Variants in ESR1 observed in about 807,000 individuals in gnomAD.
ESR1 encodes estrogen receptor.
A neutral mutation model predicts 52.7 loss-of-function variants in ESR1; 12 were observed. The ratio of observed to expected loss-of-function variants is 0.23; its 90% CI spans 0.15 to 0.37. ESR1 has a LOEUF of 0.37. Among genes scored for constraint, ESR1 ranks in the 10% least tolerant of loss-of-function variants. ESR1 has a pLI of 1.00. For synonymous variants in ESR1, 305 were observed against 316.8 expected, an observed-to-expected ratio of 0.96 and a Z score of 0.39; for missense variants, 584 against 779.7, an observed-to-expected ratio of 0.75 and a Z score of 2.99.
intron 2 of ESR1, among the ~76,000 whole-genome samples, chr6:151,849,992 A>ATATAATTTTGTATATATATACAAAAT (rs1554268078): frequency 6.4e-4 from 66 of 103,124 alleles, no homozygotes; most frequent in Non-Finnish European, 9.3e-4. Context: ...ATATATATAT[A>ATATAATTTTGTATATATATACAAAAT]TATATATATA....
chr6:151,723,763 G>A (rs145237881), intron 2 of ESR1, among the ~76,000 whole-genome samples: 42 of 152,074 alleles, frequency 2.8e-4, no homozygotes, highest in African/African-American at 8.2e-4. Context: ...TTAGCTACTC[G>A]GGAGGCTGAG....
At chr6:152,018,370 T>G (rs1399575578) in intron 5 of ESR1, among the ~76,000 whole-genome samples, 1 of 151,838 alleles carries the variant, frequency 6.6e-6, no homozygotes, top group Non-Finnish European at 1.5e-5. Context: ...GCTATCTTTT[T>G]CCCCATGTAA....
chr6:151,844,395 T>C (rs1376965307), intron 2 of ESR1, among the ~76,000 whole-genome samples: 2 of 152,154 alleles, frequency 1.3e-5, no homozygotes, highest in Non-Finnish European at 2.9e-5. Flanking sequence ...AGAGGTATGG[T>C]TAGTAGATAG....
At chr6:151,979,778 T>C (rs913841150) in intron 4 of ESR1, among the ~76,000 whole-genome samples, 2 of 152,198 alleles carry the variant, frequency 1.3e-5, no homozygotes, top group Non-Finnish European at 2.9e-5. Flanking sequence ...CTCTTTTTCT[T>C]AGATAATGGA....
intron 2 of ESR1, among the ~76,000 whole-genome samples, chr6:151,859,518 A>T (rs1016070913): frequency 6.6e-6 from 1 of 152,046 alleles, no homozygotes; most frequent in Non-Finnish European, 1.5e-5. Context: ...GTGCAACCAG[A>T]CCTTAGTGAT....
intron 5 of ESR1, among the ~76,000 whole-genome samples, chr6:152,059,074 A>G (rs2047336329): frequency 6.6e-6 from 1 of 152,186 alleles, no homozygotes; most frequent in Non-Finnish European, 1.5e-5. Flanking sequence ...TCTTTTTCTC[A>G]TACCTTACGC....
At chr6:152,095,385 G>A (rs9341051) in intron 7 of ESR1, among the ~76,000 whole-genome samples, 4 of 152,120 alleles carry the variant, frequency 2.6e-5, no homozygotes, top group African/African-American at 9.7e-5. Flanking sequence ...GCAGATTGGC[G>A]GTCAGCCCTC....
chr6:151,719,576 G>A (rs908138860), intron 2 of ESR1, among the ~76,000 whole-genome samples: 1 of 152,214 alleles, frequency 6.6e-6, no homozygotes, highest in East Asian at 1.9e-4. Context: ...GACTCAGGAG[G>A]TGCTGGGGCA....
At chr6:151,910,132 A>G (rs1378888381) in intron 3 of ESR1, among the ~76,000 whole-genome samples, 1 of 151,664 alleles carries the variant, frequency 6.6e-6, no homozygotes, top group African/African-American at 2.4e-5. Flanking sequence ...AATTGTCTGA[A>G]ATGATGGAAG....
In ESR1 at chr6:151,839,296, C is replaced by T. The variant is rs556234164; in HGVS notation, c.453-3301C>T. 4.6e-5 allele frequency among the ~76,000 whole-genome samples: 7 copies of T among 152,206 alleles called. No individual in the cohort carries two copies. The South Asian group carries it at 1.5e-3, about 32-fold the overall frequency. On this transcript the variant is annotated intron_variant, in intron 1 of 7. Transcript: ENST00000206249. ...GCAAAAGACATAAAAATGCAGTATTCCCCTCGCACTCATTAGGATGGCTAC... is the reference window on the plus strand; with the variant it reads ...GCAAAAGACATAAAAATGCAGTATTTCCCTCGCACTCATTAGGATGGCTAC...
intron 2 of ESR1, among the ~76,000 whole-genome samples, chr6:151,724,189 G>C (rs1299641907): frequency 6.6e-6 from 1 of 152,098 alleles, no homozygotes; most frequent in Non-Finnish European, 1.5e-5. Flanking sequence ...CAGAATTGGT[G>C]TAAAGTCTTT....
chr6:152,056,746 C>T (rs957127853), intron 5 of ESR1, among the ~76,000 whole-genome samples: 8 of 152,194 alleles, frequency 5.3e-5, no homozygotes, highest in Non-Finnish European at 7.4e-5. Context: ...ACCAGACTGA[C>T]ATAATCCATG....
At chr6:151,717,244 A>G (rs1250767045) in intron 2 of ESR1, among the ~76,000 whole-genome samples, 1 of 152,184 alleles carries the variant, frequency 6.6e-6, no homozygotes, top group African/African-American at 2.4e-5. Flanking sequence ...AAATGCAGAA[A>G]TCACCTGTCT....
intron 4 of ESR1, among the ~76,000 whole-genome samples, chr6:151,970,775 A>G (rs898180070): frequency 2.0e-5 from 3 of 152,010 alleles, no homozygotes; most frequent in Admixed American, 6.6e-5. Flanking sequence ...ACAGTTTCCA[A>G]TTCTGTTGAA....
intron 4 of ESR1, among the ~76,000 whole-genome samples, chr6:151,945,914 G>C (rs1462279706): frequency 1.3e-5 from 2 of 152,150 alleles, no homozygotes; most frequent in African/African-American, 4.8e-5. Flanking sequence ...CATTTTGGTG[G>C]TTGAGTGGTT....
In ESR1 at chr6:151,709,224, C is replaced by A. The variant is rs80111661; in HGVS notation, c.-71+7219C>A. 2.3e-3 allele frequency among the ~76,000 whole-genome samples: 357 copies of A among 152,138 alleles called. 1 individual carries two copies. The highest frequency in any genetic ancestry group is 8.2e-3 in the African/African-American group (339 of 41,496). ...TTTAGACTCTACATATAAGTGAGAT[C>A]TTTTGGTATTTGTCTTTCTGTGCCT... On this transcript the variant is annotated intron_variant, in intron 2 of 2. Transcript: ENST00000404742.
chr6:151,767,971 A>C (rs908593726), intron 2 of ESR1, among the ~76,000 whole-genome samples: 11 of 152,214 alleles, frequency 7.2e-5, no homozygotes, highest in African/African-American at 2.7e-4. Context: ...ATATGAGGGG[A>C]CTAGGCACTG....
chr6:152,058,016 C>T (rs2047241250), intron 5 of ESR1, among the ~76,000 whole-genome samples: 1 of 152,172 alleles, frequency 6.6e-6, no homozygotes, highest in African/African-American at 2.4e-5. Context: ...TTGCTCACAG[C>T]AGGTGAACAC....
chr6:152,012,046 A>ACACACACACACACT (rs771620414), intron 5 of ESR1, among the ~76,000 whole-genome samples: 12 of 140,612 alleles, frequency 8.5e-5, no homozygotes, highest in African/African-American at 3.1e-4. Flanking sequence ...ACACACACAC[A>ACACACACACACACT]CTCACACTCT....
Sources: gnomAD v4.1 joint callset for allele counts (sites outside exome capture counted in the v4.1 genomes callset) on GRCh38, gnomAD v4.1.1 for gene constraint, MANE v1.5 for transcripts, NCBI Gene and HGNC (gene_info 2026-07-23, HGNC 2026-07-21) for gene names.